Variants in NEDD9 observed in about 807,000 individuals in gnomAD.
NEDD9 encodes neural precursor cell expressed, developmentally down-regulated 9, also known as enhancer of filamentation 1.
A neutral mutation model predicts 76.6 loss-of-function variants in NEDD9; 26 were observed. The observed-to-expected ratio is 0.34, with a 90% CI of 0.25 to 0.47. The LOEUF is 0.47. NEDD9 is among the 20% of genes least tolerant of loss of function. The probability of loss-of-function intolerance (pLI) is 1.00; values close to 1 mark genes in which losing one functional copy is unlikely to be tolerated. For missense variants in NEDD9, 937 were observed against 1,058.5 expected, an observed-to-expected ratio of 0.89 and a Z score of 1.59; for synonymous variants, 392 against 414.2, an observed-to-expected ratio of 0.95 and a Z score of 0.65.
rs1759895573 is a variant in NEDD9, at chr6:11,250,409, A to G, written c.13-36682T>C. ...TTTCTTTGTCAAGGTAGTTTCCAAA[A>G]TCTCTTTTCCTCAGCATCATAAATG... On this transcript the variant is annotated intron_variant, in intron 3 of 3. Coordinates refer to the NEDD9 transcript ENST00000397378. 2.0e-5 allele frequency among the ~76,000 whole-genome samples: 3 copies of G among 152,136 alleles called. No individual in the cohort carries two copies. The South Asian group carries it at 6.2e-4, about 32-fold the overall frequency.
At chr6:11,233,014 C>G (rs1759527935), upstream of NEDD9, among the ~76,000 whole-genome samples, 1 of 152,152 alleles carries the variant, frequency 6.6e-6, no homozygotes, top group African/African-American at 2.4e-5. Flanking sequence ...TTCCTGTGAC[C>G]TAGCAACTCC....
intron 3 of NEDD9, among the ~76,000 whole-genome samples, chr6:11,239,304 T>C (rs149638235): frequency 1.3e-5 from 2 of 152,334 alleles, no homozygotes; most frequent in African/African-American, 4.8e-5. Context: ...TTTTGAGCAA[T>C]TTATAGAAGA....
chr6:11,264,382 G>A (rs1389353090), intron 3 of NEDD9, among the ~76,000 whole-genome samples: 1 of 152,048 alleles, frequency 6.6e-6, no homozygotes, highest in Non-Finnish European at 1.5e-5. Context: ...CACTGCTTGG[G>A]GAACCACCAG....
In NEDD9 at chr6:11,206,524, G is replaced by T. The variant is rs1758621773; in HGVS notation, c.459+6757C>A. 1.3e-5 allele frequency among the ~76,000 whole-genome samples: 2 copies of T among 152,160 alleles called. 1 individual carries two copies. The highest frequency in any genetic ancestry group is 4.1e-4 in the South Asian group (2 of 4,828). Reference sequence around the variant, plus strand: ...CTCACAGTGTTCTCCTACTTAGCCAGACATCATATTAAAGCAGTCTCTTAC... The same window carrying T: ...CTCACAGTGTTCTCCTACTTAGCCATACATCATATTAAAGCAGTCTCTTAC... On this transcript the variant is annotated intron_variant, in intron 2 of 6. Transcript: ENST00000379446.
At chr6:11,291,188 T>A (rs935142422) in intron 3 of NEDD9, among the ~76,000 whole-genome samples, 1 of 151,770 alleles carries the variant, frequency 6.6e-6, no homozygotes, top group Non-Finnish European at 1.5e-5. Context: ...TGCAGCACTA[T>A]CCTCGTGAAG....
At chr6:11,320,496 A>G (rs1183817024) in intron 2 of NEDD9, among the ~76,000 whole-genome samples, 2 of 152,190 alleles carry the variant, frequency 1.3e-5, no homozygotes, top group African/African-American at 4.8e-5. Context: ...ATCTATCCAG[A>G]CTGCAGGTGC....
At chr6:11,331,089 C>G (rs1762027494) in intron 2 of NEDD9, among the ~76,000 whole-genome samples, 1 of 152,126 alleles carries the variant, frequency 6.6e-6, no homozygotes, top group Admixed American at 6.5e-5. Flanking sequence ...CAAATCAAAC[C>G]AAACCCAAAA....
intron 2 of NEDD9, among the ~76,000 whole-genome samples, chr6:11,203,537 C>T (rs971883046): frequency 1.8e-4 from 27 of 152,288 alleles, no homozygotes; most frequent in African/African-American, 6.5e-4. Context: ...GCAAACCACT[C>T]ACAAGGCAGA....
At chr6:11,245,650 A>G (rs926987082) in intron 3 of NEDD9, among the ~76,000 whole-genome samples, 2 of 152,160 alleles carry the variant, frequency 1.3e-5, no homozygotes, top group African/African-American at 4.8e-5. Context: ...AAAAAATCAC[A>G]CCGTAAAGTT....
At chr6:11,317,412 T>G in intron 2 of NEDD9, among the ~76,000 whole-genome samples, 1 of 147,596 alleles carries the variant, frequency 6.8e-6, no homozygotes, top group Non-Finnish European at 1.5e-5. Context: ...TGAGGCTCCG[T>G]CTCAAAAAAA....
At chr6:11,243,488 A>T (rs9393995) in intron 3 of NEDD9, among the ~76,000 whole-genome samples, 26,049 of 152,102 alleles carry the variant, frequency 0.17, 3,112 homozygotes, top group East Asian at 0.67. Flanking sequence ...GGTCTGCAGA[A>T]CACATTTTGA....
intron 3 of NEDD9, among the ~76,000 whole-genome samples, chr6:11,284,653 G>A: frequency 6.6e-6 from 1 of 151,538 alleles, no homozygotes; most frequent in East Asian, 1.9e-4. Flanking sequence ...CAGTTGAGAA[G>A]CATACCTGAA....
At chr6:11,308,037 G>T (rs1761243723) in intron 2 of NEDD9, among the ~76,000 whole-genome samples, 1 of 152,134 alleles carries the variant, frequency 6.6e-6, no homozygotes, top group Non-Finnish European at 1.5e-5. Context: ...CTGTTCAGAC[G>T]ATTCCAAACC....
intron 1 of NEDD9, among the ~76,000 whole-genome samples, chr6:11,337,489 T>G (rs1304156420): frequency 3.3e-5 from 5 of 152,148 alleles, no homozygotes; most frequent in African/African-American, 1.2e-4. Context: ...CATTATTATG[T>G]GATGTTAGGA....
chr6:11,350,724 G>T (rs572072609), intron 1 of NEDD9, among the ~76,000 whole-genome samples: 58 of 152,268 alleles, frequency 3.8e-4, no homozygotes, highest in African/African-American at 1.3e-3. Context: ...GTGCTGGAGG[G>T]GATATGACTA....
At chr6:11,340,256 C>T (rs1762246579) in intron 1 of NEDD9, among the ~76,000 whole-genome samples, 1 of 152,198 alleles carries the variant, frequency 6.6e-6, no homozygotes, top group African/African-American at 2.4e-5. Context: ...ATGCCAGTTG[C>T]ACATATCTCT....
intron 3 of NEDD9, among the ~76,000 whole-genome samples, chr6:11,246,083 A>C (rs1324643311): frequency 1.3e-5 from 2 of 152,110 alleles, no homozygotes; most frequent in East Asian, 1.9e-4. Flanking sequence ...ATGGGGATGG[A>C]TGTTTAAATA....
chr6:11,311,847 G>A (rs16871246), intron 2 of NEDD9, among the ~76,000 whole-genome samples: 26,721 of 151,966 alleles, frequency 0.18, 2,609 homozygotes, highest in African/African-American at 0.26. Flanking sequence ...TCACCAACCG[G>A]GCTCTTCCCA....
intron 3 of NEDD9, chr6:11,305,388 C>T (rs931696852): frequency 3.5e-6 from 1 of 283,672 alleles, no homozygotes; most frequent in Non-Finnish European, 6.9e-6. Context: ...ATCTTTGTGA[C>T]CCTCAATGCC....
Sources: gnomAD v4.1 joint callset for allele counts (sites outside exome capture counted in the v4.1 genomes callset) on GRCh38, gnomAD v4.1.1 for gene constraint, MANE v1.5 for transcripts, NCBI Gene and HGNC (gene_info 2026-07-23, HGNC 2026-07-21) for gene names.